Variants in NOP9 observed in about 807,000 individuals in gnomAD.
NOP9 encodes the protein nucleolar protein 9.
In NOP9, 50 loss-of-function variants were observed where a neutral mutation model predicts 63.0. The ratio of observed to expected loss-of-function variants is 0.79; its 90% CI spans 0.63 to 1.00. NOP9 has a LOEUF of 1.00. Among genes scored for constraint, NOP9 ranks in the 50% least tolerant of loss-of-function variants. The pLI is 0.00. For missense variants in NOP9, 758 were observed against 803.0 expected (o/e 0.94, Z 0.68); for synonymous variants, 343 against 332.8 (o/e 1.03, Z -0.33).
chr14:24,307,282 A>C lies in NOP9; in HGVS notation c.*2187A>C. 1.4e-6 allele frequency: 2 copies of C among 1,401,060 alleles called. No individual in the cohort carries two copies. Among genetic ancestry groups the C allele is most frequent in the Non-Finnish European group, 2.0e-6 (2 of 1,018,728 alleles). The allele number at this position is 1,401,060 out of a possible 1,614,324, so 86.8% of individuals were successfully genotyped here. A position where few individuals can be genotyped will look rare whatever the true frequency, so the allele number is the denominator to read the frequency against. ...GAGGGAGGGGCAGCTGTGTGACTTC[A>C]GCCCTCTGCTCCATCATCACAAGTT... is the stretch of plus-strand genomic sequence containing the variant. On this transcript the variant is annotated 3_prime_UTR_variant, in exon 10 of 10. Transcript: ENST00000267425.
chr14:24,301,010 A>C (rs2041366990), intron 2 of NOP9, among the ~76,000 whole-genome samples, 153 bp downstream of exon 2: 1 of 152,200 alleles, frequency 6.6e-6, no homozygotes, highest in Non-Finnish European at 1.5e-5. Flanking sequence ...TTAGCAAGCC[A>C]AAGATTAGTG....
At chr14:24,298,072 A>G (rs1322038587), upstream of NOP9, among the ~76,000 whole-genome samples, 2 of 152,010 alleles carry the variant, frequency 1.3e-5, no homozygotes, top group Non-Finnish European at 2.9e-5. Context: ...TTTTAGAGAC[A>G]GGGTCTCACT....
chr14:24,274,339 A>C, the NOP9 span, among the ~76,000 whole-genome samples: 616 of 152,268 alleles, frequency 4.0e-3, no homozygotes, highest in African/African-American at 0.014. Flanking sequence ...CTCATGAAAA[A>C]ATCTGCATCA....
chr14:24,292,666 C>T, the NOP9 span: 1 of 1,614,250 alleles, frequency 6.2e-7, no homozygotes, highest in Non-Finnish European at 8.5e-7. Context: ...GCTTTGCCCA[C>T]ACCATAGGGG....
chr14:24,296,935 A>G, upstream of NOP9: 3 of 1,609,622 alleles, frequency 1.9e-6, no homozygotes, highest in Non-Finnish European at 1.7e-6. Context: ...GTGAGTCATG[A>G]CAAAACTCCC....
At chr14:24,291,565 A>G in the NOP9 span, 1 of 1,614,188 alleles carries the variant, frequency 6.2e-7, no homozygotes, top group Admixed American at 1.7e-5. Flanking sequence ...CCTGTTGCCA[A>G]AGCCACCACA....
At chr14:24,299,571 C>T (rs1005560972), upstream of NOP9, 12 of 240,680 alleles carry the variant, frequency 5.0e-5, no homozygotes, top group South Asian at 6.2e-4. Context: ...GACGAGCGTG[C>T]GCCGCTTACC....
At position 24,306,457 on chromosome 14, in the gene NOP9, C is replaced by T. The variant is rs2041510457; in HGVS notation, c.*1362C>T. On this transcript the variant is annotated 3_prime_UTR_variant, in exon 10 of 10. Transcript: ENST00000267425. ...AGCAGCTGGAAGAAGTCCTCACTGT[C>T]CACTGCAGTTCCATCCTCCTCTAGC... 1 of 1,614,254 alleles carries T rather than the reference C, an allele frequency of 6.2e-7. No homozygotes were observed. The highest frequency in any genetic ancestry group is 8.5e-7 in the Non-Finnish European group (1 of 1,180,044).
At chr14:24,303,608 G>C (rs2041417980) in intron 6 of NOP9, 124 bp from the exon 7 acceptor site, 2 of 966,854 alleles carry the variant, frequency 2.1e-6, no homozygotes, top group Admixed American at 1.9e-5. Flanking sequence ...CATGACATCT[G>C]CTTTCATGGA....
chr14:24,291,555 C>T, the NOP9 span: 3 of 1,614,192 alleles, frequency 1.9e-6, no homozygotes, highest in South Asian at 3.3e-5. Context: ...CCAAACTTCA[C>T]CTGTTGCCAA....
At chr14:24,299,835 C>G (rs1447138215), upstream of NOP9, 4 of 1,287,294 alleles carry the variant, frequency 3.1e-6, no homozygotes, top group Admixed American at 2.9e-5. Context: ...GACGTAGTAG[C>G]TGCGTCAGGA....
At position 24,307,162 on chromosome 14, in the gene NOP9, C is replaced by G. The variant is rs1298058031; in HGVS notation, c.*2067C>G. On this transcript the variant is annotated 3_prime_UTR_variant, in exon 10 of 10. Transcript: ENST00000267425. ...CTGTCCCTCGAACTCTCCCTATCTC[C>G]TGCTAACCCCTGCTCCCATAGAAAA... The G allele has an allele frequency of 8.3e-6, 4 of 481,082 alleles. No homozygotes were observed. The East Asian group carries it at 9.7e-5, about 12-fold the overall frequency. 29.8% of individuals were successfully genotyped at this position (481,082 alleles called of 1,614,324 possible).
At chr14:24,290,643 A>T in the NOP9 span, 5 of 540,550 alleles carry the variant, frequency 9.2e-6, no homozygotes, top group East Asian at 1.6e-4. Flanking sequence ...GCATTTTTCA[A>T]TACTAAGGCA....
chr14:24,272,290 G>A, the NOP9 span, among the ~76,000 whole-genome samples: 2 of 152,162 alleles, frequency 1.3e-5, no homozygotes, highest in Non-Finnish European at 2.9e-5. Context: ...TAATATACAT[G>A]CACATACATA....
At chr14:24,294,980 G>C (rs10146996), upstream of NOP9, among the ~76,000 whole-genome samples, 129,166 of 152,186 alleles carry the variant, frequency 0.85, 55,040 homozygotes, top group Non-Finnish European at 0.89. Context: ...TTTTGTAGGA[G>C]AGCTTGATAA....
intron 1 of NOP9, 32 bp downstream of exon 1, chr14:24,300,233 G>A (rs754654809): frequency 1.9e-6 from 3 of 1,607,056 alleles, no homozygotes; most frequent in East Asian, 2.2e-5. Context: ...TAGACCAAGA[G>A]CATCAAATCC....
At chr14:24,297,388 GTT>G (rs1165670275), upstream of NOP9, among the ~76,000 whole-genome samples, 2 of 152,146 alleles carry the variant, frequency 1.3e-5, no homozygotes, top group African/African-American at 4.8e-5. Context: ...TCTACTTCCT[GTT>G]CTGTCTCACT....
chr14:24,294,104 TA>T, the NOP9 span: 1 of 151,988 alleles, frequency 6.6e-6, no homozygotes, highest in Non-Finnish European at 1.5e-5. Flanking sequence ...TATTTAAATA[TA>T]AAAAACGAAA....
Position 24,307,450 on chromosome 14 carries a change from C to T in NOP9, c.*2355C>T, listed in dbSNP as rs148297663. 34 of 1,613,974 alleles carry T rather than the reference C, an allele frequency of 2.1e-5. No homozygotes were observed. The highest frequency in any genetic ancestry group is 2.5e-5 in the Non-Finnish European group (29 of 1,180,010). On this transcript the variant is annotated 3_prime_UTR_variant, in exon 10 of 10. Transcript: ENST00000267425. Reference sequence around the variant, plus strand: ...CTTGTGATCACAGACACGGAAAGGTCGCTGGGGTGGTGGAGCTGAGGTCCA... The same window carrying T: ...CTTGTGATCACAGACACGGAAAGGTTGCTGGGGTGGTGGAGCTGAGGTCCA...
Sources: gnomAD v4.1 joint callset for allele counts (sites outside exome capture counted in the v4.1 genomes callset) on GRCh38, gnomAD v4.1.1 for gene constraint, MANE v1.5 for transcripts, NCBI Gene and HGNC (gene_info 2026-07-23, HGNC 2026-07-21) for gene names.